The following ATP9B variants were observed in gnomAD, a reference collection of about 807,000 sequenced individuals.
The protein encoded by ATP9B is ATPase phospholipid transporting 9B.
In ATP9B, 110 loss-of-function variants were observed where a neutral mutation model predicts 146.1. The ratio of observed to expected loss-of-function variants is 0.75; its 90% CI spans 0.65 to 0.88. The LOEUF is 0.88. Ranked by LOEUF, ATP9B falls within the 40% of genes least tolerant of loss-of-function variation. ATP9B has a pLI of 0.00. For missense variants in ATP9B, 1,499 were observed against 1,496.4 expected, an observed-to-expected ratio of 1.00 and a Z score of -0.03; for synonymous variants, 604 against 569.7, an observed-to-expected ratio of 1.06 and a Z score of -0.86.
intron 11 of ATP9B, among the ~76,000 whole-genome samples, chr18:79,245,683 CACCGCCCTACTGACTGTGCGGAGGGT>C (rs1360430742): frequency 9.9e-4 from 147 of 148,554 alleles, no homozygotes; most frequent in African/African-American, 3.5e-3. Context: ...GTGCGGAGGG[CACCGCCCTACTGACTGTGCGGAGGGT>C]ACCGCCCTAC....
At chr18:79,370,536 T>C (rs2097063107) in intron 26 of ATP9B, among the ~76,000 whole-genome samples, 1 of 152,226 alleles carries the variant, frequency 6.6e-6, no homozygotes, top group Non-Finnish European at 1.5e-5. Flanking sequence ...GAATTGCTTC[T>C]ATGAGTAACG....
intron 13 of ATP9B, among the ~76,000 whole-genome samples, chr18:79,301,360 C>T (rs571690928): frequency 1.8e-4 from 27 of 152,162 alleles, no homozygotes; most frequent in South Asian, 6.2e-4. Flanking sequence ...GGTGTGGTGG[C>T]GCACATCTGT....
chr18:79,127,906 T>A (rs890670002), intron 5 of ATP9B, among the ~76,000 whole-genome samples: 12 of 152,316 alleles, frequency 7.9e-5, no homozygotes, highest in African/African-American at 2.9e-4. Flanking sequence ...CCACTGCTTT[T>A]TGATTATAGT....
chr18:79,174,104 C>A (rs9954209), intron 7 of ATP9B: 86,283 of 336,762 alleles, frequency 0.26, 12,189 homozygotes, highest in East Asian at 0.5. Context: ...GCATTTTTTG[C>A]TTTATTTAGG....
intron 12 of ATP9B, among the ~76,000 whole-genome samples, chr18:79,275,944 A>G (rs2096303880): frequency 6.6e-6 from 1 of 152,238 alleles, no homozygotes; most frequent in Non-Finnish European, 1.5e-5. Context: ...TAACTTACAT[A>G]CAGACTTCCT....
intron 15 of ATP9B, among the ~76,000 whole-genome samples, chr18:79,324,649 C>T (rs1167987520): frequency 1.3e-5 from 2 of 152,110 alleles, no homozygotes; most frequent in East Asian, 3.9e-4. Flanking sequence ...AGGTACCCAA[C>T]AAATTGCACT....
chr18:79,194,486 T>C (rs1325183107), intron 9 of ATP9B: 1 of 152,250 alleles, frequency 6.6e-6, no homozygotes, highest in Non-Finnish European at 1.5e-5. Context: ...TATGGCTCAG[T>C]CTGCAGGTGT....
intron 23 of ATP9B, among the ~76,000 whole-genome samples, chr18:79,347,249 C>G (rs2147536746): frequency 6.6e-6 from 1 of 152,376 alleles, no homozygotes; most frequent in Non-Finnish European, 1.5e-5. Flanking sequence ...CTGGAAAATT[C>G]ACCTAGCTCA....
intron 7 of ATP9B, among the ~76,000 whole-genome samples, chr18:79,154,891 TC>T (rs758785581): frequency 1.3e-5 from 2 of 152,258 alleles, no homozygotes; most frequent in Non-Finnish European, 2.9e-5. Flanking sequence ...TATATTGAAT[TC>T]ATTAACATCT....
chr18:79,146,332 G>A (rs373698891), intron 6 of ATP9B: 85 of 163,260 alleles, frequency 5.2e-4, no homozygotes, highest in South Asian at 1.2e-3. Flanking sequence ...GGGAGCTGGC[G>A]GTGTGCAGAG....
chr18:79,106,155 T>C (rs1432649439), intron 2 of ATP9B, among the ~76,000 whole-genome samples: 1 of 152,214 alleles, frequency 6.6e-6, no homozygotes, highest in East Asian at 1.9e-4. Context: ...CTTGATGATG[T>C]AAGGCAATTT....
chr18:79,365,423 C>T (rs909047039), intron 26 of ATP9B, among the ~76,000 whole-genome samples: 3 of 152,226 alleles, frequency 2.0e-5, no homozygotes, highest in Non-Finnish European at 4.4e-5. Flanking sequence ...AATGATACAG[C>T]CTCTTCGGAA....
Position 79,277,186 on chromosome 18 carries a change from A to G in ATP9B, c.1401A>G (p.Thr467=), listed in dbSNP as rs1387605376. 5.6e-6 allele frequency: 9 copies of G among 1,614,250 alleles called. No homozygotes were observed. The highest frequency in any genetic ancestry group is 7.6e-6 in the Non-Finnish European group (9 of 1,180,038). ...EELGRLVYLL[T]DKTGTLTQNE... ...TTGGGCGCCTGGTGTATTTATTGACAGACAAAACAGGTACTGTTCGTGGTC... is the reference window on the plus strand; with the variant it reads ...TTGGGCGCCTGGTGTATTTATTGACGGACAAAACAGGTACTGTTCGTGGTC... The change falls in exon 13 of 30, where the codon ACA becomes ACG. Residue 467 remains threonine (T), a synonymous_variant. Coordinates refer to ENST00000426216, the MANE Select transcript of ATP9B (RefSeq NM_198531.5).
chr18:79,359,323 C>G (rs762811314), intron 25 of ATP9B, 31 bp from the exon 26 acceptor site: 1 of 1,524,862 alleles, frequency 6.6e-7, no homozygotes, highest in Non-Finnish European at 9.1e-7. Flanking sequence ...AAGTTTCTCA[C>G]GCCCATTGCA....
chr18:79,253,357 A>G (rs2096049063), intron 11 of ATP9B, 24 bp from the exon 12 acceptor site: 10 of 1,594,712 alleles, frequency 6.3e-6, no homozygotes, highest in Middle Eastern at 1.7e-4. Flanking sequence ...TAGCTTGTTC[A>G]TGTATTATGT....
intron 17 of ATP9B, among the ~76,000 whole-genome samples, chr18:79,336,278 G>GT (rs1047604759): frequency 6.6e-6 from 1 of 152,266 alleles, no homozygotes; most frequent in Non-Finnish European, 1.5e-5. Context: ...GAGTGGTGGT[G>GT]TTTAAGGATT....
chr18:79,071,884 G>GTT lies in ATP9B; in HGVS notation c.119+2358_119+2359dup, dbSNP rs375351848. Among the ~76,000 whole-genome samples the GTT allele has an allele frequency of 3.8e-3, 299 of 79,686 alleles. 4 individuals are homozygous for GTT. The highest frequency in any genetic ancestry group is 0.026 in the South Asian group (45 of 1,740). The allele number at this position is 79,686 out of a possible 152,430, so 52.3% of individuals were successfully genotyped here. A position where few individuals can be genotyped will look rare whatever the true frequency, so the allele number is the denominator to read the frequency against. ...TGGATTTCTTTGGATTTCATGTTTG[G>GTT]TTTTGTTTTTTTTTTTTTTTTTGGT... On this transcript the variant is annotated intron_variant, in intron 1 of 29. Transcript: ENST00000426216.
intron 8 of ATP9B, among the ~76,000 whole-genome samples, chr18:79,186,684 A>T (rs2095310926): frequency 6.6e-6 from 1 of 152,192 alleles, no homozygotes; most frequent in Non-Finnish European, 1.5e-5. Flanking sequence ...ATTTCTTTTC[A>T]TGTAAACTAG....
chr18:79,330,859 C>T (rs561439505), intron 17 of ATP9B, among the ~76,000 whole-genome samples: 3 of 152,250 alleles, frequency 2.0e-5, no homozygotes, highest in South Asian at 4.1e-4. Flanking sequence ...TGAAATAATA[C>T]TTTATATGTA....
Sources: gnomAD v4.1 joint callset for allele counts (sites outside exome capture counted in the v4.1 genomes callset) on GRCh38, gnomAD v4.1.1 for gene constraint, MANE v1.5 for transcripts, NCBI Gene and HGNC (gene_info 2026-07-23, HGNC 2026-07-21) for gene names.